ELAC2: variants seen among roughly 807,000 people sequenced by gnomAD.
ELAC2 encodes elaC ribonuclease Z 2.
A neutral mutation model predicts 105.2 loss-of-function variants in ELAC2; 92 were observed. The ratio of observed to expected loss-of-function variants is 0.87; its 90% CI spans 0.74 to 1.04. The LOEUF (loss-of-function observed/expected upper bound fraction) is 1.04, where lower values mean the gene tolerates loss of function less well. ELAC2 is among the 50% of genes least tolerant of loss of function. The pLI is 0.00. For synonymous variants in ELAC2, 468 were observed against 409.1 expected (o/e 1.14, Z -1.74); for missense variants, 1,099 against 1,071.7 (o/e 1.03, Z -0.36).
At chr17:12,996,387 G>T in intron 17 of ELAC2, 160 bp downstream of exon 17, 1 of 979,164 alleles carries the variant, frequency 1.0e-6, no homozygotes, top group Non-Finnish European at 1.6e-6. Context: ...GGCGCAGAAG[G>T]ACTATGTTGA....
In ELAC2 at chr17:12,991,852, C is replaced by CTTACT. The variant is rs796783857; in HGVS notation, c.*961_*965dup. Among the ~76,000 whole-genome samples, 11 of 147,478 alleles carry CTTACT rather than the reference C, an allele frequency of 7.5e-5. No individual in the cohort carries two copies. The East Asian group carries it at 1.4e-3, about 19-fold the overall frequency. ...CACAATAAATACTAGATTCAACTTA[C>CTTACT]TTACTTACTTACTTACTTTACTTAC... On this transcript the variant is annotated 3_prime_UTR_variant, in exon 24 of 24. Coordinates refer to ENST00000338034, the MANE Select transcript of ELAC2 (RefSeq NM_018127.7).
At chr17:13,004,697 A>C (rs2041012374) in intron 11 of ELAC2, among the ~76,000 whole-genome samples, 1 of 152,266 alleles carries the variant, frequency 6.6e-6, no homozygotes, top group Non-Finnish European at 1.5e-5. Flanking sequence ...GGCATTAGTT[A>C]GAATTCAAAA....
rs1283619554 is a variant in ELAC2, at chr17:13,017,762, C to A, written c.186G>T (p.Val62=). Residue 62 remains valine, a synonymous_variant, in exon 1 of 24, where the codon GTG becomes GTT. Coordinates refer to ENST00000338034, the MANE Select transcript of ELAC2 (RefSeq NM_018127.7). ...CCGAGTCCCGGCTACCCGCTGCCAC[C>A]ACCTGCAGGTACACGGTGTTTGGGC... ...SGGPNTVYLQ[V]VAAGSRDSGA... The A allele has an allele frequency of 6.2e-7, 1 of 1,611,716 alleles. No homozygotes were observed. The highest frequency in any genetic ancestry group is 1.7e-4 in the Middle Eastern group (1 of 6,050).
rs1019378157 is a variant in ELAC2 at position 12,992,440 on chromosome 17, C to T, written c.*378G>A. The T allele has an allele frequency of 3.3e-5, 13 of 396,226 alleles. No homozygotes were observed. Among genetic ancestry groups the T allele is most frequent in the African/African-American group, 1.8e-4 (9 of 50,278 alleles). The allele number at this position is 396,226 out of a possible 1,614,324, so 24.5% of individuals were successfully genotyped here. Reference sequence around the variant, plus strand: ...CTGAAATACTATTTTCGTTAAGTCTCGGACACTTAGACCCACTGATCCTGT... The same window carrying T: ...CTGAAATACTATTTTCGTTAAGTCTTGGACACTTAGACCCACTGATCCTGT... On this transcript the variant is annotated 3_prime_UTR_variant, in exon 24 of 24. Coordinates refer to ENST00000338034, the MANE Select transcript of ELAC2 (RefSeq NM_018127.7).
In ELAC2 at chr17:12,992,678, G is replaced by A. The variant is rs900972337; in HGVS notation, c.*140C>T. The A allele has an allele frequency of 4.6e-4, 465 of 1,014,206 alleles. 6 individuals carry two copies. The South Asian group carries it at 4.6e-3, about 10-fold the overall frequency. The allele number at this position is 1,014,206 out of a possible 1,614,324, so 62.8% of individuals were successfully genotyped here. A position where few individuals can be genotyped will look rare whatever the true frequency, so the allele number is the denominator to read the frequency against. On this transcript the variant is annotated 3_prime_UTR_variant, in exon 24 of 24. Transcript: ENST00000338034. Reference sequence around the variant, plus strand: ...GTGCTTATGTGGGAGCCCAAGCCTCGGCACAGCTCCATACCACCTATCCTG... The same window carrying A: ...GTGCTTATGTGGGAGCCCAAGCCTCAGCACAGCTCCATACCACCTATCCTG...
chr17:12,998,513 G>GA lies in ELAC2; in HGVS notation c.1424-6dup, dbSNP rs2040589080. ...CTGGGTACTGACTTCTTTTCTCTGTGAAAAAATCCATGTGAAACAATCCAT... is the reference window on the plus strand; with the variant it reads ...CTGGGTACTGACTTCTTTTCTCTGTGAAAAAAATCCATGTGAAACAATCCAT... On this transcript the variant is annotated splice_polypyrimidine_tract_variant and splice_region_variant and intron_variant, in intron 15 of 23. Transcript: ENST00000338034. The GA allele has an allele frequency of 1.2e-6, 2 of 1,613,272 alleles. No individual in the cohort carries two copies. Among genetic ancestry groups the GA allele is most frequent in the Non-Finnish European group, 1.7e-6 (2 of 1,179,232 alleles).
In ELAC2 at chr17:13,016,846, C is replaced by A; in HGVS notation, c.367+16G>T. 6.2e-7 allele frequency: 1 copy of A among 1,613,716 alleles called. No individual in the cohort carries two copies. The highest frequency in any genetic ancestry group is 1.1e-5 in the South Asian group (1 of 91,072). On this transcript the variant is annotated intron_variant, in intron 3 of 23. Coordinates refer to ENST00000338034, the MANE Select transcript of ELAC2 (RefSeq NM_018127.7). ...GACTTCCCACCAGCCTCTGACACTG[C>A]AAAGAATATACTCACCACTTAAGCC...
rs1488639384 is a variant in ELAC2, at chr17:13,016,861, C to G, written c.367+1G>C. 1.2e-6 allele frequency: 2 copies of G among 1,613,896 alleles called. No homozygotes were observed. The highest frequency in any genetic ancestry group is 1.7e-6 in the Non-Finnish European group (2 of 1,180,004). On this transcript the variant is annotated splice_donor_variant, in intron 3 of 23. Transcript: ENST00000338034. LOFTEE classifies it high-confidence loss of function. Reference sequence around the variant, plus strand: ...TCTGACACTGCAAAGAATATACTCACCACTTAAGCCCCCAACATTAGACCA... The same window carrying G: ...TCTGACACTGCAAAGAATATACTCAGCACTTAAGCCCCCAACATTAGACCA...
chr17:13,002,696 T>C (rs761603783), intron 12 of ELAC2, 117 bp from the exon 13 acceptor site: 141 of 1,504,686 alleles, frequency 9.4e-5, no homozygotes, highest in Non-Finnish European at 1.2e-4. Flanking sequence ...TTCAGTGACT[T>C]GCCCCAAGCA....
intron 7 of ELAC2, 75 bp from the exon 8 acceptor site, chr17:13,010,746 G>C (rs530667498): frequency 1.5e-6 from 2 of 1,324,584 alleles, no homozygotes; most frequent in African/African-American, 2.9e-5. Flanking sequence ...ATTATGACCC[G>C]ATACCTAATT....
chr17:13,002,166 G>T, intron 14 of ELAC2, 108 bp downstream of exon 14: 1 of 1,169,176 alleles, frequency 8.6e-7, no homozygotes, highest in East Asian at 2.4e-5. Context: ...AGTTACAACA[G>T]AGACCATATG....
chr17:13,011,690 T>C lies in ELAC2; in HGVS notation c.652A>G (p.Asn218Asp), dbSNP rs1305102998. The change falls in exon 7 of 24, where the codon AAT (asparagine) becomes GAT (aspartate). Residue 218 changes from asparagine (N) to aspartate (D), a missense_variant. Physicochemically the swap from Asn to Asp is conservative, Grantham distance 23. Coordinates refer to ENST00000338034, the MANE Select transcript of ELAC2 (RefSeq NM_018127.7). ...SPERSSDSES[N>D]ENEPHLPHGV... is the part of the protein sequence containing the mutation. ...TGTGGAAGGTGTGGCTCATTTTCATTCGACTCGGAGTCTGAAGATCGCTCT... is the reference window on the plus strand; with the variant it reads ...TGTGGAAGGTGTGGCTCATTTTCATCCGACTCGGAGTCTGAAGATCGCTCT... The C allele has an allele frequency of 1.1e-5, 17 of 1,614,070 alleles. No homozygotes were observed. The highest frequency in any genetic ancestry group is 1.3e-5 in the African/African-American group (1 of 74,900).
At chr17:13,012,093 C>T (rs2041446929) in intron 6 of ELAC2, among the ~76,000 whole-genome samples, 1 of 152,050 alleles carries the variant, frequency 6.6e-6, no homozygotes, top group Admixed American at 6.6e-5. Context: ...CACATAGACC[C>T]AAAGGGTACC....
chr17:13,017,958 C>G lies in ELAC2; in HGVS notation c.-11G>C. 6.5e-7 allele frequency: 1 copy of G among 1,535,930 alleles called. No individual in the cohort carries two copies. Among genetic ancestry groups the G allele is most frequent in the Non-Finnish European group, 8.7e-7 (1 of 1,146,644 alleles). On this transcript the variant is annotated 5_prime_UTR_variant, in exon 1 of 24. Coordinates refer to ENST00000338034, the MANE Select transcript of ELAC2 (RefSeq NM_018127.7). The stretch of plus-strand genomic sequence containing the variant: ...GCAAAGCGCCCACATGCGCCCGTCT[C>G]CACCAAAACTGAGAAAGCCGCCGGT...
chr17:12,996,189 G>A (rs1459926809), intron 17 of ELAC2: 2 of 673,960 alleles, frequency 3.0e-6, no homozygotes, highest in Non-Finnish European at 5.1e-6. Context: ...GTGCTGGGAA[G>A]AGGGCAACGG....
chr17:13,003,420 G>C (rs757750565), intron 12 of ELAC2, 59 bp downstream of exon 12: 20 of 1,494,150 alleles, frequency 1.3e-5, no homozygotes, highest in Non-Finnish European at 1.7e-5. Context: ...GGGGAGGAAA[G>C]GGGAATCCAC....
chr17:12,998,939 C>A (rs138824838), intron 15 of ELAC2, among the ~76,000 whole-genome samples: 1 of 152,182 alleles, frequency 6.6e-6, no homozygotes, highest in African/African-American at 2.4e-5. Context: ...CCCGCAGAAC[C>A]GTGAACTAAA....
chr17:13,002,194 G>T, intron 14 of ELAC2, 80 bp downstream of exon 14: 2 of 1,478,036 alleles, frequency 1.4e-6, no homozygotes, highest in Non-Finnish European at 1.9e-6. Flanking sequence ...GAGCCTCCTG[G>T]AACATTTACT....
intron 16 of ELAC2, among the ~76,000 whole-genome samples, chr17:12,997,214 G>A (rs2040520842): frequency 6.6e-6 from 1 of 152,172 alleles, no homozygotes; most frequent in Non-Finnish European, 1.5e-5. Context: ...ACTCCCAGGT[G>A]TCACTCGGGG....
Sources: allele counts gnomAD v4.1 joint callset (sites outside exome capture counted in the v4.1 genomes callset), GRCh38; gene constraint gnomAD v4.1.1; transcripts MANE v1.5; gene names NCBI Gene and HGNC (gene_info 2026-07-23, HGNC 2026-07-21).